The following GLI3 variants were observed in gnomAD, a reference collection of about 807,000 sequenced individuals.
The protein encoded by GLI3 is transcription activator GLI3.
GLI3 carries 20 observed loss-of-function variants against 100.8 expected under a neutral mutation model. The ratio of observed to expected loss-of-function variants is 0.20; its 90% CI spans 0.14 to 0.29. The LOEUF is 0.29. GLI3 is among the 10% of genes least tolerant of loss of function. GLI3 has a pLI of 1.00. For synonymous variants in GLI3, 938 were observed against 860.5 expected (o/e 1.09, Z -1.58); for missense variants, 2,040 against 2,128.5 (o/e 0.96, Z 0.82).
intron 3 of GLI3, among the ~76,000 whole-genome samples, chr7:42,143,539 G>A (rs1160227629): frequency 6.6e-6 from 1 of 152,202 alleles, no homozygotes; most frequent in African/African-American, 2.4e-5. Context: ...GATGTGGAAA[G>A]TCACCTAATA....
chr7:42,106,764 T>C (rs1261994005), intron 3 of GLI3, among the ~76,000 whole-genome samples: 1 of 152,186 alleles, frequency 6.6e-6, no homozygotes, highest in Non-Finnish European at 1.5e-5. Flanking sequence ...CTTTGTGTTG[T>C]GAAATGGTAA....
At position 42,067,363 on chromosome 7, in the gene GLI3, T is replaced by G. The variant is rs552368777; in HGVS notation, c.473+9389A>C. On this transcript the variant is annotated intron_variant, in intron 4 of 14. Transcript: ENST00000395925. ...CATTTTAGTAAACTGGAAATGTTTA[T>G]TTCCATGCTGTCTTAAAAATGTAAA... 2.0e-5 allele frequency among the ~76,000 whole-genome samples: 3 copies of G among 152,310 alleles called. No individual in the cohort carries two copies. In the East Asian group the frequency reaches 5.8e-4, roughly 29 times the overall value.
At chr7:42,066,676 C>T (rs1230076728) in intron 4 of GLI3, among the ~76,000 whole-genome samples, 2 of 152,170 alleles carry the variant, frequency 1.3e-5, no homozygotes, top group Non-Finnish European at 2.9e-5. Context: ...CATCCACAAC[C>T]GTGCAGCTAT....
At chr7:42,020,557 C>T (rs971670377) in intron 10 of GLI3, among the ~76,000 whole-genome samples, 1 of 152,064 alleles carries the variant, frequency 6.6e-6, no homozygotes, top group Non-Finnish European at 1.5e-5. Context: ...TAAGGCAGAG[C>T]ATCAGAATGG....
At chr7:42,078,878 C>T (rs995769553) in intron 3 of GLI3, among the ~76,000 whole-genome samples, 7 of 151,778 alleles carry the variant, frequency 4.6e-5, no homozygotes, top group Admixed American at 1.3e-4. Flanking sequence ...TACAGGCGCC[C>T]GCCACCACGC....
intron 2 of GLI3, among the ~76,000 whole-genome samples, chr7:42,160,282 T>G (rs1787101139): frequency 1.3e-5 from 2 of 152,222 alleles, no homozygotes; most frequent in South Asian, 4.1e-4. Flanking sequence ...TTCCAGGCCT[T>G]GGATGTCCAG....
intron 10 of GLI3, among the ~76,000 whole-genome samples, chr7:42,009,480 C>CTTTTTTTTTTTT (rs3030324): frequency 1.7e-5 from 2 of 118,382 alleles, no homozygotes; most frequent in Non-Finnish European, 3.5e-5. Flanking sequence ...GCAAATTGTT[C>CTTTTTTTTTTTT]TTTTTTTTTT....
chr7:42,051,251 T>C (rs1315991701), intron 4 of GLI3, among the ~76,000 whole-genome samples: 2 of 152,334 alleles, frequency 1.3e-5, no homozygotes, highest in African/African-American at 4.8e-5. Flanking sequence ...TCAGGAATTC[T>C]AGATACAGAT....
chr7:42,142,786 A>C (rs982316002), intron 3 of GLI3, among the ~76,000 whole-genome samples: 1 of 151,854 alleles, frequency 6.6e-6, no homozygotes, highest in Non-Finnish European at 1.5e-5. Context: ...AAAAAAAAAA[A>C]AAATTAGCCG....
chr7:41,978,830 A>T (rs1787579160), intron 10 of GLI3, 82 bp from the exon 11 acceptor site: 2 of 1,235,852 alleles, frequency 1.6e-6, no homozygotes, highest in Non-Finnish European at 2.4e-6. Context: ...TGCAGAAAAT[A>T]CCCCAATCTT....
At chr7:42,142,999 C>A (rs1249036047) in intron 3 of GLI3, among the ~76,000 whole-genome samples, 1 of 150,488 alleles carries the variant, frequency 6.6e-6, no homozygotes, top group African/African-American at 2.4e-5. Flanking sequence ...AAAACATTAC[C>A]TCTGGATTAC....
intron 2 of GLI3, among the ~76,000 whole-genome samples, chr7:42,156,700 CCT>C (rs1787012326): frequency 6.6e-6 from 1 of 152,204 alleles, no homozygotes. Context: ...TGGCCCAGCC[CCT>C]GTGTGGCCAG....
At chr7:42,097,544 C>T (rs1456594118) in intron 3 of GLI3, among the ~76,000 whole-genome samples, 1 of 152,202 alleles carries the variant, frequency 6.6e-6, no homozygotes, top group African/African-American at 2.4e-5. Flanking sequence ...GCCAGGAGCA[C>T]GGGACCCAGC....
chr7:42,209,214 T>C (rs1235772460), intron 2 of GLI3, among the ~76,000 whole-genome samples: 1 of 152,140 alleles, frequency 6.6e-6, no homozygotes, highest in East Asian at 1.9e-4. Flanking sequence ...GCCCAGCTAA[T>C]TTTTTAATAA....
At chr7:42,256,527 G>T (rs746797231) in intron 1 of GLI3, among the ~76,000 whole-genome samples, 1 of 152,088 alleles carries the variant, frequency 6.6e-6, no homozygotes, top group Non-Finnish European at 1.5e-5. Flanking sequence ...TGTACCAATC[G>T]TTGAAAAGAC....
Position 42,025,386 on chromosome 7 carries a change from C to A in GLI3, c.1243-9G>T. ...TCACTCGTGGGCTTGTTCTGCTGGT[C>A]ACATTTGCAGAGCCAGAGACAAAAA... On this transcript the variant is annotated splice_polypyrimidine_tract_variant and intron_variant, in intron 8 of 14. Coordinates refer to ENST00000395925, the MANE Select transcript of GLI3 (RefSeq NM_000168.6). The A allele has an allele frequency of 2.5e-6, 4 of 1,591,946 alleles. No homozygotes were observed. The South Asian group carries it at 4.4e-5, about 18-fold the overall frequency.
Position 42,226,392 on chromosome 7 carries a change from TC to T in GLI3, c.-42-3098del, listed in dbSNP as rs1415719406. ...TGGTTTTTGTGGAGTTGTTGGTTTT[TC>T]CCCCAAGGCAAAGGACTTTATTTTA... On this transcript the variant is annotated intron_variant, in intron 1 of 14. Transcript: ENST00000395925. 2.6e-5 allele frequency among the ~76,000 whole-genome samples: 4 copies of T among 152,184 alleles called. No individual in the cohort carries two copies. The South Asian group carries it at 8.3e-4, about 32-fold the overall frequency.
At chr7:42,064,175 G>A (rs2128748180) in intron 4 of GLI3, among the ~76,000 whole-genome samples, 1 of 152,240 alleles carries the variant, frequency 6.6e-6, no homozygotes, top group East Asian at 1.9e-4. Context: ...GGAAAGTGCA[G>A]GCAACAAACT....
chr7:42,243,774 A>G (rs995632354), intron 1 of GLI3, among the ~76,000 whole-genome samples: 12 of 152,058 alleles, frequency 7.9e-5, no homozygotes, highest in Non-Finnish European at 1.8e-4. Flanking sequence ...AGATGTGGAG[A>G]TTTATGTCTG....
Sources: gnomAD v4.1 joint callset for allele counts (sites outside exome capture counted in the v4.1 genomes callset) on GRCh38, gnomAD v4.1.1 for gene constraint, MANE v1.5 for transcripts, NCBI Gene and HGNC (gene_info 2026-07-23, HGNC 2026-07-21) for gene names.